The following MON2 variants were observed in gnomAD, a reference collection of about 807,000 sequenced individuals.
MON2 encodes protein MON2 homolog.
MON2 carries 84 observed loss-of-function variants against 208.6 expected under a neutral mutation model. The observed-to-expected ratio is 0.40, with a 90% CI of 0.34 to 0.48. The LOEUF (loss-of-function observed/expected upper bound fraction) is 0.48, where lower values mean the gene tolerates loss of function less well. Ranked by LOEUF, MON2 falls within the 20% of genes least tolerant of loss-of-function variation. MON2 has a pLI of 0.59. For synonymous variants in MON2, 660 were observed against 694.0 expected, an observed-to-expected ratio of 0.95 and a Z score of 0.77; for missense variants, 1,611 against 2,015.4, an observed-to-expected ratio of 0.80 and a Z score of 3.84.
At chr12:62,530,226 A>AT (rs2072558572) in intron 11 of MON2, among the ~76,000 whole-genome samples, 1 of 144,902 alleles carries the variant, frequency 6.9e-6, no homozygotes. Flanking sequence ...ACATCAGTAT[A>AT]ATTTTTTTTT....
At chr12:62,528,949 C>G (rs2072477051) in intron 11 of MON2, among the ~76,000 whole-genome samples, 1 of 152,124 alleles carries the variant, frequency 6.6e-6, no homozygotes, top group Non-Finnish European at 1.5e-5. Context: ...ATTATTTCAT[C>G]ACCCAGATGT....
Position 62,560,651 on chromosome 12 carries a change from A to G in MON2, c.3570A>G (p.Val1190=), listed in dbSNP as rs750132519. The change falls in exon 26 of 35, where the codon GTA becomes GTG. Residue 1190 remains valine, a synonymous_variant. Coordinates refer to ENST00000393630, the MANE Select transcript of MON2 (RefSeq NM_015026.3). ...RDSDKPETPP[V]VNVPVPVLIG... ...CAGATAAGCCTGAGACACCACCTGTAGTTAATGTACCTGTGCCTGTTCTTA... is the reference window on the plus strand; with the variant it reads ...CAGATAAGCCTGAGACACCACCTGTGGTTAATGTACCTGTGCCTGTTCTTA... 1.2e-6 allele frequency: 2 copies of G among 1,614,128 alleles called. No individual in the cohort carries two copies. The highest frequency in any genetic ancestry group is 3.3e-5 in the Admixed American group (2 of 60,020).
At chr12:62,489,859 C>A (rs1214767671) in intron 2 of MON2, among the ~76,000 whole-genome samples, 1 of 152,026 alleles carries the variant, frequency 6.6e-6, no homozygotes, top group Non-Finnish European at 1.5e-5. Flanking sequence ...TGTCAGTCTT[C>A]CCCAGAACTA....
intron 11 of MON2, among the ~76,000 whole-genome samples, chr12:62,531,177 A>G (rs778397849): frequency 5.3e-5 from 8 of 151,698 alleles, no homozygotes; most frequent in Non-Finnish European, 1.0e-4. Context: ...GGGTCTTTTC[A>G]TTTTCTTGAT....
At chr12:62,529,331 T>C (rs1592311438) in intron 11 of MON2, among the ~76,000 whole-genome samples, 1 of 152,122 alleles carries the variant, frequency 6.6e-6, no homozygotes, top group African/African-American at 2.4e-5. Context: ...TCTCTTAGGG[T>C]TTTTGTGAGG....
intron 7 of MON2, among the ~76,000 whole-genome samples, chr12:62,501,961 C>T (rs2070857289): frequency 6.6e-6 from 1 of 152,004 alleles, no homozygotes; most frequent in Non-Finnish European, 1.5e-5. Flanking sequence ...GTGGCTCACC[C>T]CTGTAATCCC....
intron 23 of MON2, 109 bp from the exon 24 acceptor site, chr12:62,552,772 T>A: frequency 2.7e-6 from 2 of 747,966 alleles, no homozygotes; most frequent in Non-Finnish European, 4.3e-6. Flanking sequence ...ATTTTTGAAG[T>A]AATGTTTTTA....
chr12:62,576,486 A>C (rs2074790787), intron 30 of MON2, among the ~76,000 whole-genome samples: 3 of 152,140 alleles, frequency 2.0e-5, no homozygotes, highest in African/African-American at 7.2e-5. Context: ...ATATTGCAAC[A>C]AAAATTTTAA....
intron 34 of MON2, among the ~76,000 whole-genome samples, chr12:62,589,436 A>G: frequency 6.6e-6 from 1 of 152,146 alleles, no homozygotes. Context: ...GTAAATACAT[A>G]TTTTTCTTTT....
At chr12:62,591,751 A>G (rs2075404564) in intron 34 of MON2, among the ~76,000 whole-genome samples, 1 of 152,224 alleles carries the variant, frequency 6.6e-6, no homozygotes, top group Non-Finnish European at 1.5e-5. Flanking sequence ...ATTTTAGGCA[A>G]TTGACACCCA....
rs73141059 is a variant in MON2 at position 62,548,856 on chromosome 12, A to G, written c.2754-812A>G. 4.7e-3 allele frequency among the ~76,000 whole-genome samples: 720 copies of G among 152,288 alleles called. 6 individuals are homozygous for G. Among genetic ancestry groups the G allele is most frequent in the Middle Eastern group, 0.02 (6 of 294 alleles). ...TTCTTATTATCTTTATTTGAAATTCAAAATTTACTCTTTTCTCACTGACTG... is the reference window on the plus strand; with the variant it reads ...TTCTTATTATCTTTATTTGAAATTCGAAATTTACTCTTTTCTCACTGACTG... On this transcript the variant is annotated intron_variant, in intron 22 of 34. Coordinates refer to ENST00000393630, the MANE Select transcript of MON2 (RefSeq NM_015026.3).
intron 8 of MON2, among the ~76,000 whole-genome samples, chr12:62,519,417 A>G (rs1404172280): frequency 6.6e-6 from 1 of 152,202 alleles, no homozygotes; most frequent in Non-Finnish European, 1.5e-5. Context: ...ATGCCCTATG[A>G]AAACAGTGAC....
chr12:62,479,961 G>A (rs753729220), intron 1 of MON2, among the ~76,000 whole-genome samples: 13 of 152,150 alleles, frequency 8.5e-5, no homozygotes, highest in Admixed American at 2.6e-4. Flanking sequence ...ATCTGATTGC[G>A]AAGACCTCTG....
chr12:62,534,542 AATATATATAT>A (rs71882879), intron 12 of MON2, among the ~76,000 whole-genome samples: 3 of 22,850 alleles, frequency 1.3e-4, no homozygotes, highest in African/African-American at 3.9e-4. Flanking sequence ...AAAAAAAAAA[AATATATATAT>A]ATATATATAT....
chr12:62,570,806 C>T (rs1312178513), intron 29 of MON2, among the ~76,000 whole-genome samples: 1 of 125,316 alleles, frequency 8.0e-6, no homozygotes. Flanking sequence ...GATCTCGGCT[C>T]ACTGCAACCT....
At chr12:62,559,714 T>C (rs1463684593) in intron 25 of MON2, among the ~76,000 whole-genome samples, 1 of 151,232 alleles carries the variant, frequency 6.6e-6, no homozygotes, top group Admixed American at 6.6e-5. Context: ...TTGAGCTCAG[T>C]GAGCCATGAT....
chr12:62,538,200 A>G, intron 17 of MON2, 24 bp downstream of exon 17: 5 of 1,611,658 alleles, frequency 3.1e-6, no homozygotes, highest in Non-Finnish European at 4.2e-6. Context: ...TTTCTTACCC[A>G]ATTAGTGCAT....
chr12:62,511,843 A>G (rs1377631479), intron 8 of MON2, among the ~76,000 whole-genome samples: 2 of 152,228 alleles, frequency 1.3e-5, no homozygotes, highest in East Asian at 3.8e-4. Context: ...CTGCTGATAA[A>G]GACATACCCG....
At position 62,490,370 on chromosome 12, in the gene MON2, A is replaced by C. The variant is rs374792536; in HGVS notation, c.176-3545A>C. The stretch of plus-strand genomic sequence containing the variant: ...TTTGTTTTTTTCTGGAATGACATAC[A>C]AAATGGTTAAAGTAAAATGTCTTCT... On this transcript the variant is annotated intron_variant, in intron 2 of 34. Transcript: ENST00000393630. 6.6e-5 allele frequency among the ~76,000 whole-genome samples: 10 copies of C among 152,144 alleles called. No individual in the cohort carries two copies. In the East Asian group the frequency reaches 1.2e-3, roughly 18 times the overall value.
Sources: allele counts gnomAD v4.1 joint callset (sites outside exome capture counted in the v4.1 genomes callset), GRCh38; gene constraint gnomAD v4.1.1; transcripts MANE v1.5; gene names NCBI Gene and HGNC (gene_info 2026-07-23, HGNC 2026-07-21).